The following WDR46 variants were observed in gnomAD, a reference collection of about 807,000 sequenced individuals.
The protein encoded by WDR46 is WD repeat domain 46, also known as WD repeat-containing protein 46.
Under a neutral mutation model 74.7 loss-of-function variants are expected in WDR46, and 58 were observed. That is an observed-to-expected ratio of 0.78 (90% CI 0.63 to 0.97). WDR46 has a LOEUF of 0.97. Ranked by LOEUF, WDR46 falls within the 50% of genes least tolerant of loss-of-function variation. The pLI is 0.00. For synonymous variants in WDR46, 278 were observed against 297.3 expected, an observed-to-expected ratio of 0.93 and a Z score of 0.67; for missense variants, 702 against 790.1, an observed-to-expected ratio of 0.89 and a Z score of 1.34.
Position 33,287,139 on chromosome 6 carries a change from T to A in WDR46, c.967A>T (p.Met323Leu). Residue 323 changes from methionine (M) to leucine (L), a missense_variant, in exon 9 of 15, where the codon ATG becomes TTG. Transcript: ENST00000374617. Reference sequence around the variant, plus strand: ...ACGGCATTGTAAGGGTTCTGACTCATAACATCGAGCCGCCCAGCTCGAGCA... The same window carrying A: ...ACGGCATTGTAAGGGTTCTGACTCAAAACATCGAGCCGCCCAGCTCGAGCA... ...LNARAGRLDV[M>L]SQNPYNAVIH... is the part of the protein sequence containing the mutation. The A allele has an allele frequency of 6.2e-7, 1 of 1,614,000 alleles. No individual in the cohort carries two copies.
chr6:33,281,480 C>G (rs1018221641), intron 10 of WDR46, among the ~76,000 whole-genome samples: 1 of 152,150 alleles, frequency 6.6e-6, no homozygotes, highest in Non-Finnish European at 1.5e-5. Flanking sequence ...AGATACACAG[C>G]AGGTTCAAAT....
At position 33,280,665 on chromosome 6, in the gene WDR46, C is replaced by T; in HGVS notation, c.1429+9G>A. 6.3e-7 allele frequency: 1 copy of T among 1,582,760 alleles called. No homozygotes were observed. Among genetic ancestry groups the T allele is most frequent in the South Asian group, 1.2e-5 (1 of 86,508 alleles). On this transcript the variant is annotated intron_variant, in intron 11 of 14. Coordinates refer to ENST00000374617, the MANE Select transcript of WDR46 (RefSeq NM_005452.6). ...ATTCACTTCAAGCCCCATCCCCTGG[C>T]CCACTCACCAGGGACCAGCATGCTG...
chr6:33,280,429 T>A lies in WDR46; in HGVS notation c.1523A>T (p.Lys508Met). The change falls in exon 12 of 15, where the codon AAG becomes ATG. Residue 508 changes from lysine to methionine, a missense_variant and splice_region_variant. Coordinates refer to ENST00000374617, the MANE Select transcript of WDR46 (RefSeq NM_005452.6). ...CCCTCTCCAGCAGGGGAGCCTCACCTTCTCTAGCAGGGCCTTCACCTCCCA... is the reference window on the plus strand; with the variant it reads ...CCCTCTCCAGCAGGGGAGCCTCACCATCTCTAGCAGGGCCTTCACCTCCCA... ...QEWEVKALLEKVPAELICLDP... is the reference protein window; with the variant it reads ...QEWEVKALLEMVPAELICLDP... 6.4e-7 allele frequency: 1 copy of A among 1,572,228 alleles called. No individual in the cohort carries two copies. The highest frequency in any genetic ancestry group is 8.6e-7 in the Non-Finnish European group (1 of 1,157,116).
At chr6:33,280,265 G>GGGGGAACCTGACCTTCTCCAGCAGT (rs72655904) in intron 12 of WDR46, among the ~76,000 whole-genome samples, 163 bp downstream of exon 12, 6 of 149,672 alleles carry the variant, frequency 4.0e-5, no homozygotes, top group African/African-American at 9.9e-5. Flanking sequence ...TCTCCAGCAG[G>GGGGGAACCTGACCTTCTCCAGCAGT]GGGGAACCTG....
chr6:33,280,436 G>T lies in WDR46; in HGVS notation c.1516C>A (p.Leu506Ile), dbSNP rs746873322. The T allele has an allele frequency of 6.3e-7, 1 of 1,577,068 alleles. No homozygotes were observed. The highest frequency in any genetic ancestry group is 1.2e-5 in the South Asian group (1 of 86,452). The change falls in exon 12 of 15, where the codon CTA becomes ATA. Residue 506 changes from leucine to isoleucine, a missense_variant. Physicochemically the swap from Leu to Ile is conservative, Grantham distance 5 (BLOSUM62 2). Coordinates refer to ENST00000374617, the MANE Select transcript of WDR46 (RefSeq NM_005452.6). The stretch of plus-strand genomic sequence containing the variant: ...CAGCAGGGGAGCCTCACCTTCTCTA[G>T]CAGGGCCTTCACCTCCCACTCCTGG... ...QRQEWEVKALLEKVPAELICL... is the reference protein window; with the variant it reads ...QRQEWEVKALIEKVPAELICL...
In WDR46 at chr6:33,287,508, G is replaced by A. The variant is rs763075190; in HGVS notation, c.729-3C>T. On this transcript the variant is annotated splice_region_variant and splice_polypyrimidine_tract_variant and intron_variant, in intron 7 of 14. Coordinates refer to ENST00000374617, the MANE Select transcript of WDR46 (RefSeq NM_005452.6). ...GCAGTGCCTCAGAATGGAGAAACCT[G>A]GGGGAGAGGAAGAGTGGTTCAATTG... The A allele has an allele frequency of 2.9e-5, 46 of 1,613,274 alleles. No homozygotes were observed. The highest frequency in any genetic ancestry group is 3.6e-5 in the Non-Finnish European group (43 of 1,179,928).
At position 33,279,766 on chromosome 6, in the gene WDR46, G is replaced by A; in HGVS notation, c.1618C>T (p.Leu540=). Residue 540 remains leucine, a splice_region_variant and synonymous_variant, in exon 13 of 15, where the codon CTG becomes TTG. Transcript: ENST00000374617. ...EQGKKEQIER[L]GYDPQAKAPF... The stretch of plus-strand genomic sequence containing the variant: ...GCATTCAGGGGCCTGCTCCATACCA[G>A]CCTCTCTATCTGCTCCTTCTTTCCC... 1 of 1,614,074 alleles carries A rather than the reference G, an allele frequency of 6.2e-7. No homozygotes were observed.
rs377138610 is a variant in WDR46 at position 33,289,216 on chromosome 6, G to C, written c.-46C>G. On this transcript the variant is annotated 5_prime_UTR_variant, in exon 1 of 15. Transcript: ENST00000374617. ...TCCACGTGCAAAACTCCTCTCAGCT[G>C]CCACACAGTCGGCTTGAAAACTCCC... 36 of 1,583,932 alleles carry C rather than the reference G, an allele frequency of 2.3e-5. No homozygotes were observed. In the African/African-American group the frequency reaches 2.4e-4, roughly 11 times the overall value.
intron 3 of WDR46, 62 bp from the exon 4 acceptor site, chr6:33,288,532 G>A: frequency 6.2e-7 from 1 of 1,606,214 alleles, no homozygotes; most frequent in East Asian, 2.2e-5. Flanking sequence ...GGTCACAGGA[G>A]AGCTACCTGT....
chr6:33,280,453 C>A lies in WDR46; in HGVS notation c.1499G>T (p.Trp500Leu). The A allele has an allele frequency of 6.3e-7, 1 of 1,589,020 alleles. No individual in the cohort carries two copies. The highest frequency in any genetic ancestry group is 2.3e-5 in the East Asian group (1 of 44,066). The change falls in exon 12 of 15, where the codon TGG becomes TTG. Residue 500 changes from tryptophan (W) to leucine (L), a missense_variant. Physicochemically the swap from Trp to Leu is moderately conservative, Grantham distance 61. Coordinates refer to ENST00000374617, the MANE Select transcript of WDR46 (RefSeq NM_005452.6). ...PYRSRKQRQE[W>L]EVKALLEKVP... is the part of the protein sequence containing the mutation. Reference sequence around the variant, plus strand: ...CTTCTCTAGCAGGGCCTTCACCTCCCACTCCTGGCGCTGCTTCCGGCTTCT... The same window carrying A: ...CTTCTCTAGCAGGGCCTTCACCTCCAACTCCTGGCGCTGCTTCCGGCTTCT...
rs766322926 is a variant in WDR46 at position 33,288,189 on chromosome 6, C to T, written c.520G>A (p.Ala174Thr). Residue 174 changes from alanine (A) to threonine (T), a missense_variant, in exon 5 of 15, where the codon GCT becomes ACT. Ala to Thr is a moderately conservative substitution (Grantham distance 58). Transcript: ENST00000374617. ...ATGTCCACAGCCTCCACAATGTCAGCCTGGCATATCTTTGCTGTGTCTTCC... is the reference window on the plus strand; with the variant it reads ...ATGTCCACAGCCTCCACAATGTCAGTCTGGCATATCTTTGCTGTGTCTTCC... The part of the protein sequence containing the change: ...DGEDTAKICQ[A>T]DIVEAVDIAS... 6.2e-7 allele frequency: 1 copy of T among 1,614,236 alleles called. No homozygotes were observed. The highest frequency in any genetic ancestry group is 8.5e-7 in the Non-Finnish European group (1 of 1,180,046).
chr6:33,281,200 C>T lies in WDR46; in HGVS notation c.1116-213G>A, dbSNP rs547010649. 2.0e-5 allele frequency among the ~76,000 whole-genome samples: 3 copies of T among 152,296 alleles called. No homozygotes were observed. The East Asian group carries it at 5.8e-4, about 29-fold the overall frequency. ...CCTTTAAGAGGTGAGGAAACTGAAG[C>T]TCAGGGAAAGGAAAGCTAGGTCAGT... On this transcript the variant is annotated intron_variant, in intron 10 of 14. Transcript: ENST00000374617.
chr6:33,280,896 C>T lies in WDR46; in HGVS notation c.1207G>A (p.Gly403Arg), dbSNP rs1466504209. 2 of 1,614,232 alleles carry T rather than the reference C, an allele frequency of 1.2e-6. No homozygotes were observed. The change falls in exon 11 of 15, where the codon GGA becomes AGA. Residue 403 changes from glycine (G) to arginine (R), a missense_variant. By Grantham distance (125) the Gly-to-Arg change is moderately radical. Coordinates refer to ENST00000374617, the MANE Select transcript of WDR46 (RefSeq NM_005452.6). ...TGGGAGAAGGCCAGGTGCCCTGCTC[C>T]ATGGGGCAGGGTCCGAGTGCTCAGA... is the stretch of plus-strand genomic sequence containing the variant. ...QPLSTRTLPH[G>R]AGHLAFSQRG...
intron 10 of WDR46, among the ~76,000 whole-genome samples, chr6:33,286,253 C>A (rs1766618152): frequency 6.6e-6 from 1 of 152,136 alleles, no homozygotes. Context: ...TCGAGACCAG[C>A]CTGAACAACA....
At position 33,279,746 on chromosome 6, in the gene WDR46, CA is replaced by C; in HGVS notation, c.1620+17del. On this transcript the variant is annotated intron_variant, in intron 13 of 14. Transcript: ENST00000374617. The stretch of plus-strand genomic sequence containing the variant: ...GGGGGAGAAGACGGGCCTGGGCATT[CA>C]GGGGCCTGCTCCATACCAGCCTCTC... 6.2e-7 allele frequency: 1 copy of C among 1,613,750 alleles called. No homozygotes were observed. Among genetic ancestry groups the C allele is most frequent in the Non-Finnish European group, 8.5e-7 (1 of 1,179,786 alleles).
intron 10 of WDR46, among the ~76,000 whole-genome samples, chr6:33,282,994 A>G (rs1317630811): frequency 6.6e-6 from 1 of 152,218 alleles, no homozygotes; most frequent in Non-Finnish European, 1.5e-5. Flanking sequence ...GTGGATCACA[A>G]GGTCAGGAGT....
chr6:33,282,633 G>A (rs1766287223), intron 10 of WDR46, among the ~76,000 whole-genome samples: 1 of 152,244 alleles, frequency 6.6e-6, no homozygotes, highest in Non-Finnish European at 1.5e-5. Flanking sequence ...GGCCTGACAA[G>A]CTCCTGAGGA....
intron 13 of WDR46, 36 bp downstream of exon 13, chr6:33,279,728 A>G (rs1765958814): frequency 1.2e-6 from 2 of 1,613,082 alleles, no homozygotes; most frequent in Non-Finnish European, 1.7e-6. Flanking sequence ...TGTGGGGGAG[A>G]AGACGGGCCT....
intron 12 of WDR46, 114 bp downstream of exon 12, chr6:33,280,314 G>T: frequency 9.3e-7 from 1 of 1,074,774 alleles, no homozygotes; most frequent in Non-Finnish European, 1.4e-6. Flanking sequence ...TTCTCCAGCA[G>T]GGGGGAACCT....
Sources: allele counts gnomAD v4.1 joint callset (sites outside exome capture counted in the v4.1 genomes callset), GRCh38; gene constraint gnomAD v4.1.1; transcripts MANE v1.5; gene names NCBI Gene and HGNC (gene_info 2026-07-23, HGNC 2026-07-21).